VWA2: variants seen among roughly 807,000 people sequenced by gnomAD.
VWA2 encodes von Willebrand factor A domain containing 2.
VWA2 carries 73 observed loss-of-function variants against 70.4 expected under a neutral mutation model. The observed-to-expected ratio is 1.04, with a 90% CI of 0.86 to 1.26. VWA2 has a LOEUF of 1.26. Ranked by LOEUF, VWA2 falls within the 50% of genes most tolerant of loss-of-function variation. VWA2 has a pLI of 0.00. For missense variants in VWA2, 1,011 were observed against 998.5 expected, an observed-to-expected ratio of 1.01 and a Z score of -0.17; for synonymous variants, 407 against 423.3, an observed-to-expected ratio of 0.96 and a Z score of 0.47.
At position 114,288,892 on chromosome 10, in the gene VWA2, C is replaced by T. The variant is rs773174149; in HGVS notation, c.1571-46C>T. The T allele has an allele frequency of 6.4e-6, 10 of 1,561,080 alleles. No individual in the cohort carries two copies. In the East Asian group the frequency reaches 2.0e-4, roughly 32 times the overall value. ...AGTCCCTGGGTCCCGTCGAGGGGCT[C>T]TGACTGGCACATCCACTGCTGAAGC... On this transcript the variant is annotated intron_variant, in intron 11 of 13. Coordinates refer to ENST00000392982, the MANE Select transcript of VWA2 (RefSeq NM_001272046.2).
intron 1 of VWA2, among the ~76,000 whole-genome samples, chr10:114,242,820 A>C (rs2036997737): frequency 6.6e-6 from 1 of 152,264 alleles, no homozygotes; most frequent in Admixed American, 6.5e-5. Flanking sequence ...AAATGTAATG[A>C]TAAACTTTTA....
chr10:114,285,874 G>C, intron 10 of VWA2, 65 bp from the exon 11 acceptor site: 1 of 1,470,914 alleles, frequency 6.8e-7, no homozygotes, highest in African/African-American at 1.4e-5. Context: ...TCGGCATCTC[G>C]GGTGGGACAG....
intron 5 of VWA2, among the ~76,000 whole-genome samples, chr10:114,270,492 A>T (rs1001316259): frequency 2.0e-5 from 3 of 152,190 alleles, no homozygotes. Context: ...TCATTTGTCA[A>T]ATGTGGGTAA....
chr10:114,243,881 G>A (rs1204995624), intron 1 of VWA2, among the ~76,000 whole-genome samples: 2 of 152,228 alleles, frequency 1.3e-5, no homozygotes, highest in Admixed American at 6.5e-5. Context: ...CTGGTGCTGC[G>A]TGGGAACCAG....
intron 8 of VWA2, 56 bp downstream of exon 8, chr10:114,278,907 A>AGCT: frequency 2.5e-6 from 4 of 1,604,296 alleles, no homozygotes; most frequent in Non-Finnish European, 3.4e-6. Flanking sequence ...CCCACCCCTG[A>AGCT]GCTGCGGGGA....
At chr10:114,259,645 T>A (rs954870765) in intron 4 of VWA2, among the ~76,000 whole-genome samples, 21 of 152,304 alleles carry the variant, frequency 1.4e-4, no homozygotes, top group African/African-American at 5.1e-4. Context: ...CATTTGCAGT[T>A]TATCCTTTAT....
At chr10:114,242,397 T>A (rs973960681) in intron 1 of VWA2, among the ~76,000 whole-genome samples, 7 of 152,216 alleles carry the variant, frequency 4.6e-5, no homozygotes, top group Non-Finnish European at 8.8e-5. Flanking sequence ...TTCCAGAGCA[T>A]CTGTGTACCG....
rs192927217 is a variant in VWA2, at chr10:114,274,958, T to C, written c.566+2024T>C. On this transcript the variant is annotated intron_variant, in intron 6 of 13. Coordinates refer to ENST00000392982, the MANE Select transcript of VWA2 (RefSeq NM_001272046.2). ...GACAACGGGGGAAGAGCACGGGACA[T>C]TGTGTTCTGTTTCAGACAGAGGAAG... Among the ~76,000 whole-genome samples, 473 of 152,110 alleles carry C rather than the reference T, an allele frequency of 3.1e-3. 2 individuals are homozygous for C. Among genetic ancestry groups the C allele is most frequent in the African/African-American group, 0.011 (436 of 41,480 alleles).
rs150182566 is a variant in VWA2 at position 114,284,935 on chromosome 10, T to C, written c.962T>C (p.Leu321Pro). The C allele has an allele frequency of 1.5e-5, 24 of 1,605,476 alleles. No individual in the cohort carries two copies. Among genetic ancestry groups the C allele is most frequent in the African/African-American group, 2.7e-5 (2 of 74,528 alleles). Residue 321 changes from leucine (L) to proline (P), a missense_variant, in exon 10 of 14, where the codon CTC (leucine) becomes CCC (proline). Physicochemically the swap from Leu to Pro is moderately conservative, Grantham distance 98. Coordinates refer to ENST00000392982, the MANE Select transcript of VWA2 (RefSeq NM_001272046.2). ...VPEGLDGYQC[L>P]CPLAFGGEAN... ...GAAGGACTGGACGGCTACCAGTGCC[T>C]CTGCCCGCTGGCCTTTGGAGGGGAG...
At chr10:114,283,094 C>T (rs758189262) in intron 9 of VWA2, among the ~76,000 whole-genome samples, 2 of 152,228 alleles carry the variant, frequency 1.3e-5, no homozygotes, top group Non-Finnish European at 2.9e-5. Context: ...CAGCATGGTT[C>T]ACCAGTGTGC....
chr10:114,260,994 T>G (rs2037433162), intron 4 of VWA2, among the ~76,000 whole-genome samples, 192 bp from the exon 5 acceptor site: 1 of 152,192 alleles, frequency 6.6e-6, no homozygotes, highest in Admixed American at 6.5e-5. Flanking sequence ...CAAACAGATT[T>G]GGCTGTTTTT....
chr10:114,265,909 G>T (rs1208593987), intron 5 of VWA2, among the ~76,000 whole-genome samples: 3 of 152,196 alleles, frequency 2.0e-5, no homozygotes, highest in Non-Finnish European at 4.4e-5. Flanking sequence ...AAGACAGGCT[G>T]TTATGAATCA....
At chr10:114,255,788 T>C (rs1486053534) in intron 4 of VWA2, among the ~76,000 whole-genome samples, 2 of 151,460 alleles carry the variant, frequency 1.3e-5, no homozygotes, top group Admixed American at 1.3e-4. Context: ...TTTTTAACAA[T>C]CCAATAGAAA....
rs10082357 is a variant in VWA2, at chr10:114,289,291, G to A, written c.1924G>A (p.Gly642Arg). The stretch of plus-strand genomic sequence containing the variant: ...CAAAGCTGTGGTGGTGCTCACAGGC[G>A]GGAGAGGCGCAGAGGATGCAGCCGT... ...VPKAVVVLTGGRGAEDAAVPA... is the reference protein window; with the variant it reads ...VPKAVVVLTGRRGAEDAAVPA... The change falls in exon 12 of 14, where the codon GGG becomes AGG. Residue 642 changes from glycine to arginine, a missense_variant. Coordinates refer to ENST00000392982, the MANE Select transcript of VWA2 (RefSeq NM_001272046.2). The A allele has an allele frequency of 1.1e-3, 1,819 of 1,614,052 alleles. 15 individuals are homozygous for A. In the African/African-American group the frequency reaches 0.021, roughly 19 times the overall value.
At chr10:114,254,629 G>T (rs2037281055) in intron 3 of VWA2, among the ~76,000 whole-genome samples, 1 of 152,194 alleles carries the variant, frequency 6.6e-6, no homozygotes, top group Non-Finnish European at 1.5e-5. Flanking sequence ...TTTCAGTGCT[G>T]CTCACTAGCC....
rs538386421 is a variant in VWA2 at position 114,292,209 on chromosome 10, G to A, written c.*972G>A. 4.0e-5 allele frequency among the ~76,000 whole-genome samples: 6 copies of A among 149,624 alleles called. No homozygotes were observed. Among genetic ancestry groups the A allele is most frequent in the African/African-American group, 7.4e-5 (3 of 40,572 alleles). On this transcript the variant is annotated 3_prime_UTR_variant, in exon 14 of 14. Transcript: ENST00000392982. Reference sequence around the variant, plus strand: ...GGAGAATGGCTTGAACCTGGGAGGCGGAAGTTACAGTGAGCCGAGATCTCA... The same window carrying A: ...GGAGAATGGCTTGAACCTGGGAGGCAGAAGTTACAGTGAGCCGAGATCTCA...
chr10:114,277,876 G>A (rs1473017873), intron 6 of VWA2, 38 bp from the exon 7 acceptor site: 7 of 1,565,230 alleles, frequency 4.5e-6, no homozygotes, highest in Non-Finnish European at 6.1e-6. Context: ...GAGGAGGGTG[G>A]GTATAGGACC....
chr10:114,280,071 C>G lies in VWA2; in HGVS notation c.833+1220C>G, dbSNP rs534075431. On this transcript the variant is annotated intron_variant, in intron 8 of 13. Coordinates refer to ENST00000392982, the MANE Select transcript of VWA2 (RefSeq NM_001272046.2). ...GAACCACTAGGGAGCGGTGAACTTA[C>G]CACTGCATGTTTCTATGTTTGAAAA... Among the ~76,000 whole-genome samples, 349 of 152,300 alleles carry G rather than the reference C, an allele frequency of 2.3e-3. 1 individual carries two copies. Among genetic ancestry groups the G allele is most frequent in the African/African-American group, 7.7e-3 (320 of 41,574 alleles).
At chr10:114,258,523 A>G (rs1162118132) in intron 4 of VWA2, among the ~76,000 whole-genome samples, 1 of 152,236 alleles carries the variant, frequency 6.6e-6, no homozygotes, top group South Asian at 2.1e-4. Context: ...CAAACCACCA[A>G]TTAAACAAAA....
Sources: allele counts gnomAD v4.1 joint callset (sites outside exome capture counted in the v4.1 genomes callset), GRCh38; gene constraint gnomAD v4.1.1; transcripts MANE v1.5; gene names NCBI Gene and HGNC (gene_info 2026-07-23, HGNC 2026-07-21).